NCKAP5: variants seen among roughly 807,000 people sequenced by gnomAD.
The protein encoded by NCKAP5 is nck-associated protein 5.
In NCKAP5, 92 loss-of-function variants were observed where a neutral mutation model predicts 167.0. The ratio of observed to expected loss-of-function variants is 0.55; its 90% CI spans 0.47 to 0.66. NCKAP5 has a LOEUF of 0.66. NCKAP5 is among the 30% of genes least tolerant of loss of function. The pLI is 0.00. For missense variants in NCKAP5, 2,378 were observed against 2,315.0 expected, an observed-to-expected ratio of 1.03 and a Z score of -0.56; for synonymous variants, 891 against 877.4, an observed-to-expected ratio of 1.02 and a Z score of -0.27.
At chr2:133,262,448 A>G (rs1372869678) in intron 4 of NCKAP5, among the ~76,000 whole-genome samples, 1 of 152,244 alleles carries the variant, frequency 6.6e-6, no homozygotes, top group African/African-American at 2.4e-5. Context: ...CACCTGCTAC[A>G]GTACCTGGAA....
At chr2:133,604,899 C>T in the NCKAP5 span, among the ~76,000 whole-genome samples, 4 of 152,100 alleles carry the variant, frequency 2.6e-5, no homozygotes, top group South Asian at 4.1e-4. Flanking sequence ...GTCTAAGAAG[C>T]CCCCCTACTC....
At chr2:133,415,439 T>A (rs1426565432) in intron 3 of NCKAP5, among the ~76,000 whole-genome samples, 2 of 152,250 alleles carry the variant, frequency 1.3e-5, no homozygotes, top group African/African-American at 4.8e-5. Flanking sequence ...ATAAGGCATC[T>A]GGTGACGCCA....
rs1195986002 is a variant in NCKAP5, at chr2:132,785,158, G to A, written c.1653C>T (p.Cys551=). ...GTACCTGAGGCGTCTGCACACTTGG[G>A]CACAGCTTCATCTCTAAGGGACAGC... ...ASSCPLEMKL[C]PSVQTPQVQR... The change falls in exon 14 of 20, where the codon TGC becomes TGT. Residue 551 remains cysteine (C), a synonymous_variant. Transcript: ENST00000409261. 1.9e-6 allele frequency: 3 copies of A among 1,604,230 alleles called. No individual in the cohort carries two copies. Among genetic ancestry groups the A allele is most frequent in the Non-Finnish European group, 2.6e-6 (3 of 1,176,468 alleles).
intron 4 of NCKAP5, among the ~76,000 whole-genome samples, chr2:133,231,890 C>T (rs1317967866): frequency 6.6e-6 from 1 of 152,256 alleles, no homozygotes; most frequent in African/African-American, 2.4e-5. Flanking sequence ...TAATTTTATG[C>T]TAGTCATTTT....
rs1404614035 is a variant in NCKAP5, at chr2:132,725,841, T to C, written c.5581-82A>G. 3 of 1,407,304 alleles carry C rather than the reference T, an allele frequency of 2.1e-6. No individual in the cohort carries two copies. In the African/African-American group the frequency reaches 4.3e-5, roughly 20 times the overall value. The allele number at this position is 1,407,304 out of a possible 1,614,324, so 87.2% of individuals were successfully genotyped here. ...GCATCCTGTGAGGATGCGACACAGT[T>C]CACATCTGGCTGTCAATGTGTGCAC... On this transcript the variant is annotated intron_variant, in intron 18 of 19. Coordinates refer to ENST00000409261, the MANE Select transcript of NCKAP5 (RefSeq NM_207363.3).
rs142706133 is a variant in NCKAP5 at position 133,462,836 on chromosome 2, C to A, written c.69+54622G>T. Among the ~76,000 whole-genome samples the A allele has an allele frequency of 1.1e-4, 16 of 152,320 alleles. No individual in the cohort carries two copies. The East Asian group carries it at 2.3e-3, about 22-fold the overall frequency. ...AGAGCATGAATATGTCAATAGGCAA[C>A]AGACATGTTAAAATGCAATGATTTA... On this transcript the variant is annotated intron_variant, in intron 3 of 19. Coordinates refer to ENST00000409261, the MANE Select transcript of NCKAP5 (RefSeq NM_207363.3).
chr2:132,796,548 T>C, intron 12 of NCKAP5, 80 bp downstream of exon 12: 1 of 923,482 alleles, frequency 1.1e-6, no homozygotes, highest in Middle Eastern at 2.2e-4. Flanking sequence ...ATGCACTTTA[T>C]GGTTCGCTTG....
At chr2:133,576,582 G>C in the NCKAP5 span, among the ~76,000 whole-genome samples, 3 of 151,986 alleles carry the variant, frequency 2.0e-5, no homozygotes, top group African/African-American at 7.3e-5. Context: ...ACATTCTGTG[G>C]GTGTCTACTG....
At chr2:132,734,919 A>G (rs549186199) in intron 16 of NCKAP5, among the ~76,000 whole-genome samples, 14 of 152,336 alleles carry the variant, frequency 9.2e-5, no homozygotes, top group African/African-American at 3.1e-4. Context: ...CAGAAGCCTC[A>G]CAGCATGGCC....
chr2:133,361,102 G>A (rs1177345276), intron 3 of NCKAP5, among the ~76,000 whole-genome samples: 2 of 151,950 alleles, frequency 1.3e-5, no homozygotes, highest in African/African-American at 4.8e-5. Context: ...GTTAACCAAA[G>A]GTTGTGGCTT....
chr2:133,275,915 T>A (rs1430169), intron 4 of NCKAP5, among the ~76,000 whole-genome samples: 15,766 of 151,896 alleles, frequency 0.1, 937 homozygotes, highest in South Asian at 0.15. Flanking sequence ...GTATGAGCTG[T>A]GCAGATCTAC....
At position 132,784,609 on chromosome 2, in the gene NCKAP5, C is replaced by G; in HGVS notation, c.2202G>C (p.Arg734Ser). 6.2e-7 allele frequency: 1 copy of G among 1,609,322 alleles called. No homozygotes were observed. The highest frequency in any genetic ancestry group is 8.5e-7 in the Non-Finnish European group (1 of 1,177,608). ...AAARDYTFFK[R>S]SEEDTEKNIP... The stretch of plus-strand genomic sequence containing the variant: ...TGTTTTTCTCAGTGTCCTCTTCAGA[C>G]CTTTTAAAGAAAGTATAGTCTCTTG... The change falls in exon 14 of 20, where the codon AGG (arginine) becomes AGC (serine). Residue 734 changes from arginine (R) to serine (S), a missense_variant. This residue lies in a region of NCKAP5 where 1,049 missense variants were observed against 1,023.4 expected (regional missense o/e 1.02). Coordinates refer to ENST00000409261, the MANE Select transcript of NCKAP5 (RefSeq NM_207363.3).
rs1687774774 is a variant in NCKAP5, at chr2:133,397,046, G to A, written c.70-93936C>T. On this transcript the variant is annotated intron_variant, in intron 3 of 19. Coordinates refer to ENST00000409261, the MANE Select transcript of NCKAP5 (RefSeq NM_207363.3). The stretch of plus-strand genomic sequence containing the variant: ...AGACCTTTGCACATTACACCCAACT[G>A]GAATGACCCATATCAGGTTTGAACT... 1.3e-5 allele frequency among the ~76,000 whole-genome samples: 2 copies of A among 152,094 alleles called. 1 individual carries two copies. Among genetic ancestry groups the A allele is most frequent in the South Asian group, 4.1e-4 (2 of 4,822 alleles).
At chr2:133,465,780 T>C (rs1296518705) in intron 3 of NCKAP5, among the ~76,000 whole-genome samples, 3 of 152,042 alleles carry the variant, frequency 2.0e-5, no homozygotes, top group South Asian at 2.1e-4. Context: ...CATTTTTTCA[T>C]GTGTCTTTTG....
intron 3 of NCKAP5, among the ~76,000 whole-genome samples, chr2:133,459,293 G>C (rs1692053916): frequency 6.6e-6 from 1 of 152,138 alleles, no homozygotes; most frequent in Admixed American, 6.6e-5. Flanking sequence ...TGATCCTCCT[G>C]CCTTCCAAAA....
intron 8 of NCKAP5, among the ~76,000 whole-genome samples, chr2:132,937,830 T>C (rs1696972796): frequency 6.6e-6 from 1 of 152,196 alleles, no homozygotes; most frequent in Non-Finnish European, 1.5e-5. Flanking sequence ...ATACACAAAG[T>C]AACTACTCTC....
chr2:133,156,208 C>A (rs1419444103), intron 5 of NCKAP5, among the ~76,000 whole-genome samples: 1 of 152,154 alleles, frequency 6.6e-6, no homozygotes, highest in Non-Finnish European at 1.5e-5. Flanking sequence ...GAAAACTCAC[C>A]TTCTCTGCTT....
chr2:133,077,273 A>G (rs995538517), intron 6 of NCKAP5, among the ~76,000 whole-genome samples: 5 of 152,206 alleles, frequency 3.3e-5, no homozygotes, highest in Non-Finnish European at 7.3e-5. Flanking sequence ...GCATCATTCT[A>G]TCTTTAGGAT....
In NCKAP5 at chr2:133,004,422, G is replaced by A. The variant is rs1421146669; in HGVS notation, c.342-10183C>T. ...GAAATAAAGAGAAAGAGTACAAAGA[G>A]AGAAATTTTACAGCTGGGCCTCTGG... is the stretch of plus-strand genomic sequence containing the variant. On this transcript the variant is annotated intron_variant, in intron 6 of 19. Transcript: ENST00000409261. Among the ~76,000 whole-genome samples the A allele has an allele frequency of 2.0e-5, 3 of 152,164 alleles. No homozygotes were observed. The East Asian group carries it at 5.8e-4, about 29-fold the overall frequency.
Sources: gnomAD v4.1 joint callset for allele counts (sites outside exome capture counted in the v4.1 genomes callset) on GRCh38, gnomAD v4.1.1 for gene constraint, gnomAD v4.1.1 regional missense constraint, MANE v1.5 for transcripts, NCBI Gene and HGNC (gene_info 2026-07-23, HGNC 2026-07-21) for gene names.